The following TESMIN variants were observed in gnomAD, a reference collection of about 807,000 sequenced individuals.
TESMIN encodes the protein testis expressed metallothionein like protein.
A neutral mutation model predicts 47.4 loss-of-function variants in TESMIN; 34 were observed. That is an observed-to-expected ratio of 0.72 (90% CI 0.55 to 0.96). TESMIN has a LOEUF of 0.96. Ranked by LOEUF, TESMIN falls within the 40% of genes least tolerant of loss-of-function variation. The pLI is 0.00. For missense variants in TESMIN, 610 were observed against 637.2 expected (o/e 0.96, Z 0.46); for synonymous variants, 278 against 258.9 (o/e 1.07, Z -0.71).
intron 7 of TESMIN, among the ~76,000 whole-genome samples, chr11:68,714,401 C>T (rs570607363): frequency 7.9e-5 from 12 of 152,340 alleles, no homozygotes; most frequent in African/African-American, 2.9e-4. Flanking sequence ...GTACCTGCTA[C>T]CAAGGTCAAG....
Position 68,733,149 on chromosome 11 carries a change from G to C in TESMIN, c.917+5551C>G, listed in dbSNP as rs183539657. ...GCTGTCAAGCATGGCAATGAGGTCT[G>C]CCTCCTACTTCAGCCACATCGTCTA... On this transcript the variant is annotated intron_variant, in intron 6 of 9. Coordinates refer to ENST00000255087, the MANE Select transcript of TESMIN (RefSeq NM_004923.3). Among the ~76,000 whole-genome samples, 319 of 152,296 alleles carry C rather than the reference G, an allele frequency of 2.1e-3. 2 individuals are homozygous for C. The highest frequency in any genetic ancestry group is 3.7e-3 in the Non-Finnish European group (252 of 68,028).
At chr11:68,734,596 ATC>A (rs1162628513) in intron 6 of TESMIN, among the ~76,000 whole-genome samples, 1 of 152,186 alleles carries the variant, frequency 6.6e-6, no homozygotes, top group African/African-American at 2.4e-5. Context: ...GGGGGCATGC[ATC>A]TCTGTCAGTG....
At position 68,750,189 on chromosome 11, in the gene TESMIN, C is replaced by G. The variant is rs143729913; in HGVS notation, c.471+1G>C. 4.7e-6 allele frequency: 7 copies of G among 1,477,444 alleles called. No individual in the cohort carries two copies. The highest frequency in any genetic ancestry group is 5.3e-6 in the Non-Finnish European group (6 of 1,124,968). 91.5% of individuals were successfully genotyped at this position (1,477,444 alleles called of 1,614,324 possible). A position where few individuals can be genotyped will look rare whatever the true frequency, so the allele number is the denominator to read the frequency against. On this transcript the variant is annotated splice_donor_variant, in intron 2 of 9. Coordinates refer to ENST00000255087, the MANE Select transcript of TESMIN (RefSeq NM_004923.3). LOFTEE classifies it high-confidence loss of function. ...GTGCCCATTCCCCAGGCGGTTCTTA[C>G]TGGGATCATGCGGACGCCCGGGTGG...
At chr11:68,725,243 A>G (rs991398967) in intron 6 of TESMIN, among the ~76,000 whole-genome samples, 2 of 152,228 alleles carry the variant, frequency 1.3e-5, no homozygotes, top group Non-Finnish European at 1.5e-5. Flanking sequence ...ATGGTGCTAG[A>G]CAATTAATTG....
At chr11:68,738,538 A>G (rs1946415288) in intron 6 of TESMIN, 162 bp downstream of exon 6, 4 of 1,409,782 alleles carry the variant, frequency 2.8e-6, no homozygotes, top group Non-Finnish European at 3.7e-6. Flanking sequence ...AGACACAGAC[A>G]GCAACACCGT....
Position 68,711,057 on chromosome 11 carries a change from T to C in TESMIN, c.1159-8A>G, listed in dbSNP as rs1325648661. 6.3e-7 allele frequency: 1 copy of C among 1,584,176 alleles called. No individual in the cohort carries two copies. The highest frequency in any genetic ancestry group is 2.2e-5 in the East Asian group (1 of 44,564). On this transcript the variant is annotated splice_polypyrimidine_tract_variant and splice_region_variant and intron_variant, in intron 8 of 9. Coordinates refer to ENST00000255087, the MANE Select transcript of TESMIN (RefSeq NM_004923.3). ...AGAACACATAATTTGGGCCTGGTAA[T>C]ATAAAATGCTTCAATAAAATTAGGT... is the stretch of plus-strand genomic sequence containing the variant.
chr11:68,719,588 T>A (rs1325704754), intron 6 of TESMIN, among the ~76,000 whole-genome samples: 4 of 152,150 alleles, frequency 2.6e-5, no homozygotes, highest in African/African-American at 9.7e-5. Flanking sequence ...ATTAGAAGAT[T>A]CAGTTAAAAG....
At chr11:68,746,826 A>C (rs1342250944) in intron 3 of TESMIN, among the ~76,000 whole-genome samples, 1 of 152,198 alleles carries the variant, frequency 6.6e-6, no homozygotes, top group African/African-American at 2.4e-5. Context: ...ACCTGTTATC[A>C]TGAGAGATTG....
At chr11:68,739,824 G>A (rs150542715) in intron 5 of TESMIN, among the ~76,000 whole-genome samples, 4 of 152,304 alleles carry the variant, frequency 2.6e-5, no homozygotes, top group African/African-American at 9.6e-5. Flanking sequence ...CCCTCACCTG[G>A]ACACCTAATT....
rs1946014787 is a variant in TESMIN, at chr11:68,707,866, GA to G, written c.*441del. ...CGGAGAACTTATTTCTAAATAATTT[GA>G]AAAACAAACAAGAAACCATTAGGGT... On this transcript the variant is annotated 3_prime_UTR_variant, in exon 10 of 10. Transcript: ENST00000255087. The G allele has an allele frequency of 2.2e-6, 1 of 457,320 alleles. No individual in the cohort carries two copies. Among genetic ancestry groups the G allele is most frequent in the Non-Finnish European group, 4.4e-6 (1 of 227,810 alleles). 28.3% of individuals were successfully genotyped at this position (457,320 alleles called of 1,614,324 possible).
intron 2 of TESMIN, among the ~76,000 whole-genome samples, chr11:68,748,905 G>A (rs978974554): frequency 5.3e-5 from 8 of 152,052 alleles, no homozygotes; most frequent in Non-Finnish European, 1.0e-4. Context: ...GTGCAATCTC[G>A]GCTCACTGCA....
chr11:68,737,555 A>G, intron 6 of TESMIN: 2 of 985,710 alleles, frequency 2.0e-6, no homozygotes, highest in Non-Finnish European at 2.4e-6. Flanking sequence ...TGCGGGCTGT[A>G]TCCTGTAAGG....
chr11:68,715,343 G>A (rs574563377), intron 7 of TESMIN, among the ~76,000 whole-genome samples: 14 of 152,272 alleles, frequency 9.2e-5, no homozygotes, highest in South Asian at 4.1e-4. Context: ...AACCTTTTGC[G>A]TCTCTGGGAA....
At chr11:68,713,194 G>GT in intron 8 of TESMIN, 76 bp downstream of exon 8, 3 of 1,431,776 alleles carry the variant, frequency 2.1e-6, no homozygotes, top group Admixed American at 2.3e-5. Flanking sequence ...TTACAGCAAA[G>GT]TTTTTTTAAC....
intron 6 of TESMIN, among the ~76,000 whole-genome samples, chr11:68,730,685 C>T (rs1946316351): frequency 6.6e-6 from 1 of 151,740 alleles, no homozygotes; most frequent in Non-Finnish European, 1.5e-5. Flanking sequence ...ATCTCAGCTA[C>T]TCAGGAGGCT....
At position 68,738,742 on chromosome 11, in the gene TESMIN, G is replaced by C. The variant is rs762831181; in HGVS notation, c.875C>G (p.Ser292Trp). ...TGGTGGTCCTGGAAGAGTTGATCCC[G>C]AGGGGAAAGCAGACCCGTTGACTAC... ...PSVVNGSAFP[S>W]GSTLPGPPKI... The change falls in exon 6 of 10, where the codon TCG becomes TGG. Residue 292 changes from serine (S) to tryptophan (W), a missense_variant. Physicochemically the swap from Ser to Trp is radical, Grantham distance 177. Transcript: ENST00000255087. 11 of 1,614,016 alleles carry C rather than the reference G, an allele frequency of 6.8e-6. No homozygotes were observed. The South Asian group carries it at 1.2e-4, about 18-fold the overall frequency.
rs1447939311 is a variant in TESMIN at position 68,708,369 on chromosome 11, C to G, written c.1466G>C (p.Gly489Ala). 3 of 1,614,038 alleles carry G rather than the reference C, an allele frequency of 1.9e-6. No homozygotes were observed. In the South Asian group the frequency reaches 3.3e-5, roughly 18 times the overall value. Residue 489 changes from glycine (G) to alanine (A), a missense_variant, in exon 10 of 10, where the codon GGA becomes GCA. Coordinates refer to ENST00000255087, the MANE Select transcript of TESMIN (RefSeq NM_004923.3). Reference protein sequence around the residue: ...LAEQMILEEFGRCLSQILHTE... With the variant: ...LAEQMILEEFARCLSQILHTE... ...GTGGAGAATCTGTGATAAGCACCTT[C>G]CAAATTCCTCCAGGATCATCTGCTC...
intron 5 of TESMIN, among the ~76,000 whole-genome samples, chr11:68,740,783 C>T (rs752598154): frequency 2.6e-5 from 4 of 152,174 alleles, no homozygotes; most frequent in African/African-American, 4.8e-5. Context: ...TGGCTTTCAA[C>T]GCCATCTATA....
At chr11:68,713,518 G>T in intron 7 of TESMIN, 111 bp from the exon 8 acceptor site, 1 of 1,257,106 alleles carries the variant, frequency 8.0e-7, no homozygotes, top group Non-Finnish European at 1.1e-6. Flanking sequence ...ACAATAAACA[G>T]AGTCTCTTGA....
Sources: gnomAD v4.1 joint callset for allele counts (sites outside exome capture counted in the v4.1 genomes callset) on GRCh38, gnomAD v4.1.1 for gene constraint, MANE v1.5 for transcripts, NCBI Gene and HGNC (gene_info 2026-07-23, HGNC 2026-07-21) for gene names.